The following PCDHGB4 variants were observed in gnomAD, a reference collection of about 807,000 sequenced individuals.
PCDHGB4 encodes protocadherin gamma subfamily B, 4.
PCDHGB4 carries 38 observed loss-of-function variants against 60.5 expected under a neutral mutation model. The observed-to-expected ratio is 0.63, with a 90% CI of 0.48 to 0.82. The LOEUF (loss-of-function observed/expected upper bound fraction) is 0.82. Ranked by LOEUF, PCDHGB4 falls within the 40% of genes least tolerant of loss-of-function variation. The pLI, the probability that PCDHGB4 is intolerant of heterozygous loss-of-function variation, is 0.00. For synonymous variants in PCDHGB4, 456 were observed against 509.7 expected, an observed-to-expected ratio of 0.89 and a Z score of 1.42; for missense variants, 1,109 against 1,209.6, an observed-to-expected ratio of 0.92 and a Z score of 1.23.
chr5:141,399,311 A>G, intron 1 of PCDHGB4: 1 of 1,613,970 alleles, frequency 6.2e-7, no homozygotes, highest in Non-Finnish European at 8.5e-7. Flanking sequence ...TCTTCATCCA[A>G]AAATTCGTAT....
At chr5:141,482,513 A>C (rs552094845) in intron 1 of PCDHGB4, among the ~76,000 whole-genome samples, 1 of 143,798 alleles carries the variant, frequency 7.0e-6, no homozygotes, top group East Asian at 2.1e-4. Flanking sequence ...CCCAGAGTAC[A>C]GTATGAGACA....
rs762738990 is a variant in PCDHGB4, at chr5:141,404,672, G to C, written c.2397+14391G>C. 8.0e-5 allele frequency: 129 copies of C among 1,614,038 alleles called. 1 individual carries two copies. The South Asian group carries it at 1.4e-3, about 18-fold the overall frequency. ...TGCCCTCCCCACTGATGGTTCTACT[G>C]GTGTGGAGCTGGCACCCCGCTCTGC... On this transcript the variant is annotated intron_variant, in intron 1 of 3. Coordinates refer to ENST00000519479, the MANE Select transcript of PCDHGB4 (RefSeq NM_003736.4).
chr5:141,422,800 C>A (rs1470748782), intron 1 of PCDHGB4: 1 of 1,614,094 alleles, frequency 6.2e-7, no homozygotes, highest in Non-Finnish European at 8.5e-7. Flanking sequence ...CGACTATGAG[C>A]AGTTTCGAGA....
chr5:141,415,496 T>C, intron 1 of PCDHGB4: 1 of 1,614,070 alleles, frequency 6.2e-7, no homozygotes. Flanking sequence ...CACCTGATCT[T>C]CCCCCAGCCC....
chr5:141,487,890 G>C lies in PCDHGB4; in HGVS notation c.2398-6917G>C. 3 of 745,430 alleles carry C rather than the reference G, an allele frequency of 4.0e-6. No homozygotes were observed. Among genetic ancestry groups the C allele is most frequent in the Non-Finnish European group, 6.5e-6 (3 of 462,522 alleles). The allele number at this position is 745,430 out of a possible 1,614,324, so 46.2% of individuals were successfully genotyped here. A position where few individuals can be genotyped will look rare whatever the true frequency, so the allele number is the denominator to read the frequency against. On this transcript the variant is annotated intron_variant, in intron 1 of 3. Coordinates refer to ENST00000519479, the MANE Select transcript of PCDHGB4 (RefSeq NM_003736.4). This position sits in a 1 kb window ranked among gnomAD's most constrained non-coding sequence, Gnocchi z 5.0. ...AAGAGCCAGGCTGTTGTGGAAGCAT[G>C]ATGATGGAATGTGGGAGCACAGGAG...
chr5:141,495,199 G>A (rs1205495643), intron 2 of PCDHGB4, among the ~76,000 whole-genome samples: 1 of 152,164 alleles, frequency 6.6e-6, no homozygotes, highest in African/African-American at 2.4e-5. Context: ...CCCATGTACT[G>A]CCTAACCCCC....
intron 1 of PCDHGB4, chr5:141,408,406 G>T (rs750833105): frequency 5.0e-6 from 8 of 1,614,066 alleles, no homozygotes; most frequent in East Asian, 2.2e-5. Flanking sequence ...AGCTGCGAGT[G>T]AGCGCGGAGA....
intron 1 of PCDHGB4, chr5:141,394,148 T>C (rs2092927771): frequency 6.2e-7 from 1 of 1,613,768 alleles, no homozygotes; most frequent in African/African-American, 1.3e-5. Context: ...TGGCAGACAT[T>C]AACGACAACC....
intron 1 of PCDHGB4, chr5:141,416,848 G>A (rs2154546681): frequency 1.3e-5 from 2 of 152,166 alleles, no homozygotes; most frequent in East Asian, 3.9e-4. Flanking sequence ...ATAATTCCAT[G>A]ATTTTTTTCA....
rs1394490963 is a variant in PCDHGB4 at position 141,393,307 on chromosome 5, A to G, written c.2397+3026A>G. On this transcript the variant is annotated intron_variant, in intron 1 of 3. Coordinates refer to ENST00000519479, the MANE Select transcript of PCDHGB4 (RefSeq NM_003736.4). ...GCTGTTGACCCGGATGTGGGCGTGAACTCCCTCCAGAGCTACCAGCTCAGC... is the reference window on the plus strand; with the variant it reads ...GCTGTTGACCCGGATGTGGGCGTGAGCTCCCTCCAGAGCTACCAGCTCAGC... 4 of 1,613,476 alleles carry G rather than the reference A, an allele frequency of 2.5e-6. No homozygotes were observed. The highest frequency in any genetic ancestry group is 3.3e-5 in the Admixed American group (2 of 59,966).
Position 141,415,174 on chromosome 5 carries a change from G to C in PCDHGB4, c.2397+24893G>C, listed in dbSNP as rs1368688199. ...CTCCGCCACTGTCACGCTCACCGTG[G>C]CCGTGGCCGACAGCATCCCCCAAGT... On this transcript the variant is annotated intron_variant, in intron 1 of 3. Transcript: ENST00000519479. 4 of 1,613,784 alleles carry C rather than the reference G, an allele frequency of 2.5e-6. No homozygotes were observed. The African/African-American group carries it at 4.0e-5, about 16-fold the overall frequency.
At position 141,448,695 on chromosome 5, in the gene PCDHGB4, C is replaced by T. The variant is rs535473305; in HGVS notation, c.2398-46112C>T. 2.7e-4 allele frequency among the ~76,000 whole-genome samples: 41 copies of T among 152,246 alleles called. No homozygotes were observed. In the South Asian group the frequency reaches 8.5e-3, roughly 32 times the overall value. On this transcript the variant is annotated intron_variant, in intron 1 of 3. Coordinates refer to ENST00000519479, the MANE Select transcript of PCDHGB4 (RefSeq NM_003736.4). Reference sequence around the variant, plus strand: ...GTGGCTCACGCCTGTAATCGCAGCACTTTGGGAGGCCGAGGCGGGAGGATC... The same window carrying T: ...GTGGCTCACGCCTGTAATCGCAGCATTTTGGGAGGCCGAGGCGGGAGGATC...
At chr5:141,414,497 A>C (rs757597548) in intron 1 of PCDHGB4, 4 of 1,613,922 alleles carry the variant, frequency 2.5e-6, no homozygotes, top group Non-Finnish European at 3.4e-6. Context: ...ACGGAAGCTC[A>C]CTTTATGCTA....
intron 1 of PCDHGB4, chr5:141,414,511 G>A: frequency 1.2e-6 from 2 of 1,613,972 alleles, no homozygotes; most frequent in African/African-American, 1.3e-5. Context: ...TATGCTACAA[G>A]TGGCAGATAT....
intron 1 of PCDHGB4, chr5:141,433,196 C>A (rs750657930): frequency 4.4e-6 from 7 of 1,575,116 alleles, no homozygotes; most frequent in African/African-American, 1.4e-5. Context: ...GAGTTTATAT[C>A]AAATCTTCTT....
intron 2 of PCDHGB4, among the ~76,000 whole-genome samples, chr5:141,503,909 C>T (rs904260329): frequency 1.3e-5 from 2 of 152,156 alleles, no homozygotes; most frequent in Admixed American, 1.3e-4. Flanking sequence ...ACACACACAA[C>T]GCAACACACA....
intron 1 of PCDHGB4, chr5:141,426,833 G>T: frequency 2.2e-6 from 1 of 456,680 alleles, no homozygotes; most frequent in Non-Finnish European, 4.4e-6. Flanking sequence ...TGATGGACAA[G>T]ACTAAAGGCA....
At chr5:141,401,813 T>C (rs2094195030) in intron 1 of PCDHGB4, among the ~76,000 whole-genome samples, 1 of 152,208 alleles carries the variant, frequency 6.6e-6, no homozygotes, top group Non-Finnish European at 1.5e-5. Context: ...ATGGGTTCCT[T>C]ACAAAGTGCT....
At chr5:141,501,628 C>T (rs1217355708) in intron 2 of PCDHGB4, among the ~76,000 whole-genome samples, 1 of 152,112 alleles carries the variant, frequency 6.6e-6, no homozygotes, top group Non-Finnish European at 1.5e-5. Flanking sequence ...TATAGTCTCT[C>T]AACCTCTCTG....
Sources: gnomAD v4.1 joint callset for allele counts (sites outside exome capture counted in the v4.1 genomes callset) on GRCh38, gnomAD v4.1.1 for gene constraint, Gnocchi (gnomAD v3.1) non-coding constraint, MANE v1.5 for transcripts, NCBI Gene and HGNC (gene_info 2026-07-23, HGNC 2026-07-21) for gene names.